The following UVRAG variants were observed in gnomAD, a reference collection of about 807,000 sequenced individuals.
UVRAG encodes UV radiation resistance associated.
UVRAG carries 19 observed loss-of-function variants against 78.0 expected under a neutral mutation model. That is an observed-to-expected ratio of 0.24 (90% CI 0.17 to 0.36). The LOEUF is 0.36. Among genes scored for constraint, UVRAG ranks in the 10% least tolerant of loss-of-function variants. The pLI, the probability that UVRAG is intolerant of heterozygous loss-of-function variation, is 1.00. For synonymous variants in UVRAG, 323 were observed against 324.6 expected (o/e 1.00, Z 0.05); for missense variants, 740 against 853.8 (o/e 0.87, Z 1.66).
In UVRAG at chr11:76,142,189, C is replaced by G. The variant is rs984758501; in HGVS notation, c.*776C>G. The G allele has an allele frequency of 3.3e-5, 5 of 152,230 alleles. No individual in the cohort carries two copies. Among genetic ancestry groups the G allele is most frequent in the Non-Finnish European group, 5.9e-5 (4 of 68,044 alleles). The allele number at this position is 152,230 out of a possible 1,614,324, so 9.4% of individuals were successfully genotyped here. On this transcript the variant is annotated 3_prime_UTR_variant, in exon 15 of 15. Transcript: ENST00000356136. ...GGGACCCTCAAGGACCTCGAGGTTA[C>G]TGCAGTCAGATGCCATCTCATCCCC...
chr11:76,003,256 GATT>G (rs1307061326), intron 8 of UVRAG, among the ~76,000 whole-genome samples: 48 of 86,742 alleles, frequency 5.5e-4, no homozygotes, highest in African/African-American at 2.1e-3. Flanking sequence ...CGAAAATACT[GATT>G]TTTTTTTTTT....
intron 12 of UVRAG, among the ~76,000 whole-genome samples, chr11:76,059,359 C>A (rs1168312511): frequency 1.3e-5 from 2 of 152,092 alleles, no homozygotes; most frequent in Non-Finnish European, 2.9e-5. Flanking sequence ...TTTTAGAAAC[C>A]TACTGGGCTT....
chr11:76,117,948 T>C (rs956281958), intron 14 of UVRAG, among the ~76,000 whole-genome samples: 1 of 152,222 alleles, frequency 6.6e-6, no homozygotes, highest in Non-Finnish European at 1.5e-5. Flanking sequence ...AAAGCTAACC[T>C]CCATATCTGT....
intron 6 of UVRAG, among the ~76,000 whole-genome samples, chr11:75,928,939 CAAAAA>C (rs368913080): frequency 2.7e-4 from 18 of 67,486 alleles, no homozygotes; most frequent in East Asian, 1.0e-3. Flanking sequence ...GAGACTGTCT[CAAAAA>C]AAAAAAAAAA....
chr11:75,852,261 A>G (rs983450451), intron 2 of UVRAG, among the ~76,000 whole-genome samples: 7 of 152,208 alleles, frequency 4.6e-5, no homozygotes, highest in African/African-American at 1.7e-4. Context: ...AGCAGCTAGC[A>G]TTTCAAGTAG....
intron 13 of UVRAG, among the ~76,000 whole-genome samples, chr11:76,071,271 A>G (rs1463214950): frequency 1.3e-5 from 2 of 152,156 alleles, no homozygotes; most frequent in South Asian, 2.1e-4. Context: ...ATGAATGATG[A>G]CAAGGAACTA....
At chr11:76,002,068 T>TA (rs1241744282) in intron 8 of UVRAG, among the ~76,000 whole-genome samples, 3 of 152,156 alleles carry the variant, frequency 2.0e-5, no homozygotes, top group African/African-American at 7.2e-5. Context: ...GGACACAACA[T>TA]CAGTCATGTA....
At chr11:76,011,059 G>C (rs920355665) in intron 11 of UVRAG, among the ~76,000 whole-genome samples, 1 of 152,102 alleles carries the variant, frequency 6.6e-6, no homozygotes, top group Non-Finnish European at 1.5e-5. Context: ...GATGTGTCTT[G>C]ATTCTATTTT....
intron 7 of UVRAG, among the ~76,000 whole-genome samples, chr11:75,977,040 A>G (rs1949259226): frequency 6.6e-6 from 1 of 152,178 alleles, no homozygotes; most frequent in South Asian, 2.1e-4. Flanking sequence ...AGTGCTTTAA[A>G]TGTGTCCCAG....
In UVRAG at chr11:75,905,245, T is replaced by A. The variant is rs551798412; in HGVS notation, c.508-6709T>A. Reference sequence around the variant, plus strand: ...CTGTCCTTTTTCTCCTCATCTCCTCTTAAAATGTATTGATTATTTCTTAGC... The same window carrying A: ...CTGTCCTTTTTCTCCTCATCTCCTCATAAAATGTATTGATTATTTCTTAGC... On this transcript the variant is annotated intron_variant, in intron 5 of 14. Coordinates refer to ENST00000356136, the MANE Select transcript of UVRAG (RefSeq NM_003369.4). 9.3e-4 allele frequency among the ~76,000 whole-genome samples: 142 copies of A among 152,334 alleles called. 1 individual carries two copies. Among genetic ancestry groups the A allele is most frequent in the Non-Finnish European group, 1.8e-3 (123 of 68,014 alleles).
At chr11:75,897,409 C>CT in intron 5 of UVRAG, among the ~76,000 whole-genome samples, 1 of 152,288 alleles carries the variant, frequency 6.6e-6, no homozygotes, top group Non-Finnish European at 1.5e-5. Flanking sequence ...GCCCAACACT[C>CT]TTATTTTGTA....
At chr11:75,913,362 CTG>C (rs1336147619) in intron 6 of UVRAG, among the ~76,000 whole-genome samples, 2 of 152,194 alleles carry the variant, frequency 1.3e-5, no homozygotes, top group African/African-American at 4.8e-5. Context: ...GTAGCGAACA[CTG>C]TGATAATGTA....
At chr11:76,044,531 G>A (rs915606622) in intron 12 of UVRAG, among the ~76,000 whole-genome samples, 1 of 152,216 alleles carries the variant, frequency 6.6e-6, no homozygotes, top group Non-Finnish European at 1.5e-5. Context: ...CAGCACTTTG[G>A]GAGGCTGAGG....
At chr11:75,911,664 G>C in intron 5 of UVRAG, 1 of 246,502 alleles carries the variant, frequency 4.1e-6, no homozygotes, top group African/African-American at 2.3e-5. Context: ...GGCGGCACCT[G>C]CTGGGCTGGC....
At chr11:75,856,734 C>A (rs1565347967) in intron 2 of UVRAG, among the ~76,000 whole-genome samples, 1 of 152,168 alleles carries the variant, frequency 6.6e-6, no homozygotes, top group African/African-American at 2.4e-5. Flanking sequence ...CAGAAGCCAC[C>A]AAGCCTGGGT....
At chr11:75,917,306 TA>T (rs1228720491) in intron 6 of UVRAG, among the ~76,000 whole-genome samples, 1 of 152,202 alleles carries the variant, frequency 6.6e-6, no homozygotes, top group African/African-American at 2.4e-5. Context: ...ACAGTCATAA[TA>T]AAAAATATTT....
intron 6 of UVRAG, among the ~76,000 whole-genome samples, chr11:75,949,917 C>T (rs1948658629): frequency 6.6e-6 from 1 of 152,090 alleles, no homozygotes; most frequent in Admixed American, 6.6e-5. Flanking sequence ...CTGACACCCT[C>T]ATTCCCATCC....
intron 8 of UVRAG, among the ~76,000 whole-genome samples, chr11:75,996,416 G>A (rs1187374977): frequency 2.6e-5 from 4 of 152,104 alleles, no homozygotes; most frequent in South Asian, 2.1e-4. Flanking sequence ...CAGACATTGC[G>A]ATTAGAGTCA....
chr11:75,830,775 C>T (rs187223058), intron 1 of UVRAG, among the ~76,000 whole-genome samples: 39 of 152,192 alleles, frequency 2.6e-4, no homozygotes, highest in African/African-American at 7.5e-4. Context: ...GCTTTTGTCT[C>T]GAATACTTTC....
Sources: allele counts gnomAD v4.1 joint callset (sites outside exome capture counted in the v4.1 genomes callset), GRCh38; gene constraint gnomAD v4.1.1; transcripts MANE v1.5; gene names NCBI Gene and HGNC (gene_info 2026-07-23, HGNC 2026-07-21).